RBMS3: variants seen among roughly 807,000 people sequenced by gnomAD.
RBMS3 encodes RNA binding motif single stranded interacting protein 3.
A neutral mutation model predicts 66.8 loss-of-function variants in RBMS3; 27 were observed. That is an observed-to-expected ratio of 0.40 (90% confidence interval 0.30 to 0.56). The LOEUF is 0.56. Ranked by LOEUF, RBMS3 falls within the 20% of genes least tolerant of loss-of-function variation. The pLI is 0.40. For synonymous variants in RBMS3, 188 were observed against 183.0 expected, an observed-to-expected ratio of 1.03 and a Z score of -0.22; for missense variants, 513 against 549.5, an observed-to-expected ratio of 0.93 and a Z score of 0.66.
At chr3:29,637,211 G>A (rs1336807997) in intron 4 of RBMS3, among the ~76,000 whole-genome samples, 1 of 151,770 alleles carries the variant, frequency 6.6e-6, no homozygotes, top group Non-Finnish European at 1.5e-5. Flanking sequence ...CCTGGGGACT[G>A]CTGTTTCCTG....
chr3:29,498,448 TAATG>T (rs1316339879), intron 3 of RBMS3, among the ~76,000 whole-genome samples: 1 of 152,200 alleles, frequency 6.6e-6, no homozygotes, highest in Non-Finnish European at 1.5e-5. Flanking sequence ...CAAAATATAA[TAATG>T]TATAATGCAC....
chr3:29,864,235 G>T (rs1185076718), intron 6 of RBMS3, among the ~76,000 whole-genome samples: 1 of 152,182 alleles, frequency 6.6e-6, no homozygotes, highest in African/African-American at 2.4e-5. Flanking sequence ...CAATTGAGTG[G>T]CAAGGTAATA....
chr3:29,993,740 T>TAGAACTAGAATTTAC (rs1277627740), intron 14 of RBMS3, among the ~76,000 whole-genome samples: 11 of 152,240 alleles, frequency 7.2e-5, no homozygotes, highest in Non-Finnish European at 1.3e-4. Flanking sequence ...CTGCCAGCTA[T>TAGAACTAGAATTTAC]AGAACTAGAA....
At chr3:29,402,751 A>G (rs2039865069) in intron 1 of RBMS3, among the ~76,000 whole-genome samples, 1 of 151,974 alleles carries the variant, frequency 6.6e-6, no homozygotes, top group African/African-American at 2.4e-5. Context: ...TATGTTTTTC[A>G]AGGGGAGGAA....
intron 1 of RBMS3, among the ~76,000 whole-genome samples, chr3:29,374,259 G>A (rs1361207876): frequency 1.3e-5 from 2 of 152,194 alleles, no homozygotes; most frequent in Non-Finnish European, 2.9e-5. Context: ...ATTTTATAAG[G>A]AGAATATATC....
chr3:29,898,851 A>C (rs1294542902), intron 9 of RBMS3, among the ~76,000 whole-genome samples: 1 of 151,322 alleles, frequency 6.6e-6, no homozygotes, highest in Non-Finnish European at 1.5e-5. Context: ...GGTGACATGA[A>C]TAAAATATTC....
At chr3:29,487,234 G>A (rs2043355016) in intron 2 of RBMS3, among the ~76,000 whole-genome samples, 1 of 152,030 alleles carries the variant, frequency 6.6e-6, no homozygotes, top group South Asian at 2.1e-4. Context: ...GTGTTTTGGG[G>A]GAGATGGGAA....
intron 12 of RBMS3, among the ~76,000 whole-genome samples, chr3:29,986,353 A>G (rs902068456): frequency 1.3e-5 from 2 of 152,210 alleles, no homozygotes; most frequent in Admixed American, 6.5e-5. Context: ...ACCAAAATCA[A>G]AACAAAAGTT....
At chr3:29,558,496 G>C (rs1295424366) in intron 3 of RBMS3, among the ~76,000 whole-genome samples, 1 of 152,116 alleles carries the variant, frequency 6.6e-6, no homozygotes, top group Non-Finnish European at 1.5e-5. Context: ...TATCTATAAA[G>C]CAATTAATAT....
At chr3:29,676,115 G>A (rs1250610961) in intron 4 of RBMS3, among the ~76,000 whole-genome samples, 1 of 152,188 alleles carries the variant, frequency 6.6e-6, no homozygotes, top group Non-Finnish European at 1.5e-5. Flanking sequence ...ATGAGTTCAT[G>A]TCCTTTGTAG....
At chr3:29,433,121 T>A (rs1042395706) in intron 1 of RBMS3, among the ~76,000 whole-genome samples, 1 of 152,162 alleles carries the variant, frequency 6.6e-6, no homozygotes, top group South Asian at 2.1e-4. Context: ...GAGGTTTTTT[T>A]TTTTAGAATG....
At chr3:29,976,849 G>T (rs1224702851) in intron 12 of RBMS3, among the ~76,000 whole-genome samples, 3 of 145,796 alleles carry the variant, frequency 2.1e-5, no homozygotes, top group African/African-American at 8.4e-5. Context: ...CCTCAAAAGT[G>T]TGGAATACCT....
chr3:29,856,798 G>T (rs919291563), intron 6 of RBMS3, among the ~76,000 whole-genome samples: 1 of 152,126 alleles, frequency 6.6e-6, no homozygotes, highest in Non-Finnish European at 1.5e-5. Flanking sequence ...TCGTTGCCAA[G>T]TTATTTATTT....
intron 3 of RBMS3, among the ~76,000 whole-genome samples, chr3:29,553,879 T>C (rs2046260375): frequency 6.6e-6 from 1 of 152,236 alleles, no homozygotes; most frequent in East Asian, 1.9e-4. Context: ...GTGTGAATTT[T>C]AATGTTTTAG....
intron 10 of RBMS3, among the ~76,000 whole-genome samples, chr3:29,902,769 G>T (rs1255025153): frequency 6.6e-6 from 1 of 151,876 alleles, no homozygotes. Flanking sequence ...ATCACCAAGC[G>T]TGTACACTGA....
At chr3:29,803,732 A>G (rs1185923634) in intron 6 of RBMS3, among the ~76,000 whole-genome samples, 1 of 152,088 alleles carries the variant, frequency 6.6e-6, no homozygotes, top group Non-Finnish European at 1.5e-5. Flanking sequence ...ACATACACAC[A>G]CACATTTGAA....
At chr3:29,344,911 C>A (rs184683845) in intron 1 of RBMS3, among the ~76,000 whole-genome samples, 2 of 152,208 alleles carry the variant, frequency 1.3e-5, no homozygotes, top group African/African-American at 2.4e-5. Flanking sequence ...AGTGGCTGTC[C>A]CCTTTAACTC....
intron 4 of RBMS3, among the ~76,000 whole-genome samples, chr3:29,645,533 T>TTTAGTTAAGTCA (rs916353334): frequency 1.3e-5 from 2 of 152,192 alleles, no homozygotes; most frequent in Non-Finnish European, 2.9e-5. Context: ...AACTTCAAAC[T>TTTAGTTAAGTCA]TTAGTTAAGT....
At chr3:29,402,456 G>A (rs2039851718) in intron 1 of RBMS3, among the ~76,000 whole-genome samples, 1 of 151,892 alleles carries the variant, frequency 6.6e-6, no homozygotes, top group Non-Finnish European at 1.5e-5. Flanking sequence ...AGATTAAGCA[G>A]TGATGTAGGT....
Sources: allele counts gnomAD v4.1 joint callset (sites outside exome capture counted in the v4.1 genomes callset), GRCh38; gene constraint gnomAD v4.1.1; transcripts MANE v1.5; gene names NCBI Gene and HGNC (gene_info 2026-07-23, HGNC 2026-07-21).